S100A8: variants seen among roughly 807,000 people sequenced by gnomAD.
The protein encoded by S100A8 is protein S100-A8.
In S100A8, 1 loss-of-function variant was observed where a neutral mutation model predicts 4.2. The observed-to-expected ratio is 0.24, with a 90% confidence interval of 0.08 to 1.12. S100A8 has a LOEUF of 1.12. S100A8 is among the 50% of genes most tolerant of loss of function. S100A8 has a pLI of 0.53. For missense variants in S100A8, 96 were observed against 111.8 expected, an observed-to-expected ratio of 0.86 and a Z score of 0.64; for synonymous variants, 41 against 44.7, an observed-to-expected ratio of 0.92 and a Z score of 0.33.
chr1:153,390,242 T>A lies in S100A8; in HGVS notation c.143A>T (p.Lys48Ile). Residue 48 changes from lysine (K) to isoleucine (I), a missense_variant and splice_region_variant, in exon 3 of 3, where the codon AAA becomes ATA. Transcript: ENST00000368733. ...LETECPQYIR[K>I]KGADVWFKEL... ...TTTGAACCAGACGTCTGCACCCTTT[T>A]TCTGTCAAGATTGAGGAGGAAGAAG... is the stretch of plus-strand genomic sequence containing the variant. 7 of 1,609,704 alleles carry A rather than the reference T, an allele frequency of 4.3e-6. No individual in the cohort carries two copies. Among genetic ancestry groups the A allele is most frequent in the Non-Finnish European group, 5.1e-6 (6 of 1,177,338 alleles).
the S100A8 span, chr1:153,420,399 C>T: frequency 2.0e-5 from 3 of 152,214 alleles, no homozygotes; most frequent in Non-Finnish European, 4.4e-5. Context: ...CCTTGAGGCT[C>T]ACATCATGTG....
chr1:153,396,230 C>T, the S100A8 span, among the ~76,000 whole-genome samples: 2 of 147,876 alleles, frequency 1.4e-5, no homozygotes, highest in East Asian at 1.9e-4. Context: ...GTGTCTCCCC[C>T]TCAAAAAGGG....
At chr1:153,414,958 T>C in the S100A8 span, among the ~76,000 whole-genome samples, 3 of 152,182 alleles carry the variant, frequency 2.0e-5, no homozygotes, top group African/African-American at 7.2e-5. Flanking sequence ...GTGTCTATGA[T>C]TCTACTCTCT....
chr1:153,400,326 C>G, the S100A8 span, among the ~76,000 whole-genome samples: 4 of 152,248 alleles, frequency 2.6e-5, no homozygotes, highest in East Asian at 7.7e-4. Flanking sequence ...CTCGACATCC[C>G]TACAGATGCT....
chr1:153,402,068 A>C, the S100A8 span, among the ~76,000 whole-genome samples: 1 of 152,214 alleles, frequency 6.6e-6, no homozygotes, highest in Non-Finnish European at 1.5e-5. Flanking sequence ...AGAGAAAGAA[A>C]GGGTACATTA....
chr1:153,418,605 C>T, the S100A8 span, among the ~76,000 whole-genome samples: 21 of 152,190 alleles, frequency 1.4e-4, no homozygotes, highest in East Asian at 3.9e-4. Context: ...AGTTCCATTG[C>T]TAGTAGAAAT....
At chr1:153,414,099 T>C in the S100A8 span, among the ~76,000 whole-genome samples, 2 of 152,184 alleles carry the variant, frequency 1.3e-5, no homozygotes, top group African/African-American at 4.8e-5. Context: ...TAAACAGTGA[T>C]GATATGTAAC....
the S100A8 span, among the ~76,000 whole-genome samples, chr1:153,413,510 T>C: frequency 6.6e-6 from 1 of 152,236 alleles, no homozygotes; most frequent in Non-Finnish European, 1.5e-5. Flanking sequence ...GGGCAGACTC[T>C]GCCAGAAACT....
chr1:153,420,135 G>C, the S100A8 span: 1 of 152,256 alleles, frequency 6.6e-6, no homozygotes, highest in Non-Finnish European at 1.5e-5. Context: ...TGTAAGGACT[G>C]ACACAGAGAG....
chr1:153,400,513 A>G, the S100A8 span, among the ~76,000 whole-genome samples: 1 of 152,204 alleles, frequency 6.6e-6, no homozygotes, highest in Non-Finnish European at 1.5e-5. Context: ...AGGGCAGGTC[A>G]TCAAACCAGA....
At chr1:153,391,942 G>A (rs924949890), upstream of S100A8, among the ~76,000 whole-genome samples, 5 of 152,278 alleles carry the variant, frequency 3.3e-5, no homozygotes, top group African/African-American at 1.2e-4. Context: ...TCATGCCTAA[G>A]AGGAGAAGAG....
chr1:153,422,378 G>T, the S100A8 span: 1 of 360,526 alleles, frequency 2.8e-6, no homozygotes, highest in Non-Finnish European at 3.9e-6. Context: ...AGGTATTAGT[G>T]TCATATTGAT....
the S100A8 span, among the ~76,000 whole-genome samples, chr1:153,411,210 T>C: frequency 6.6e-6 from 1 of 152,228 alleles, no homozygotes; most frequent in Non-Finnish European, 1.5e-5. Flanking sequence ...GCAGATGACA[T>C]GATTGTATAT....
the S100A8 span, among the ~76,000 whole-genome samples, chr1:153,408,137 GAGA>G: frequency 6.6e-6 from 1 of 152,224 alleles, no homozygotes; most frequent in Admixed American, 6.5e-5. Context: ...GACGAGTTGA[GAGA>G]AGAAGGCTTC....
At chr1:153,403,837 C>T in the S100A8 span, among the ~76,000 whole-genome samples, 38 of 152,258 alleles carry the variant, frequency 2.5e-4, 1 homozygote, top group South Asian at 7.3e-3. Context: ...TGAACACCAT[C>T]GGGGTATCGT....
chr1:153,407,120 G>C, the S100A8 span, among the ~76,000 whole-genome samples: 2 of 152,166 alleles, frequency 1.3e-5, no homozygotes, highest in African/African-American at 4.8e-5. Flanking sequence ...CAGACAGTGG[G>C]AGCAATACAG....
chr1:153,405,154 G>C, the S100A8 span, among the ~76,000 whole-genome samples: 1 of 151,632 alleles, frequency 6.6e-6, no homozygotes, highest in East Asian at 1.9e-4. Flanking sequence ...TCTTAAAATT[G>C]GGCGAGATGA....
At chr1:153,408,720 C>A in the S100A8 span, among the ~76,000 whole-genome samples, 1 of 152,124 alleles carries the variant, frequency 6.6e-6, no homozygotes, top group African/African-American at 2.4e-5. Flanking sequence ...TTAAGGGCAG[C>A]CAGAGAGAAA....
chr1:153,420,517 T>C, the S100A8 span: 28,869 of 152,252 alleles, frequency 0.19, 4,511 homozygotes, highest in African/African-American at 0.43. Context: ...CTTTCCATCC[T>C]ACCAGCAGCA....
Sources: allele counts gnomAD v4.1 joint callset (sites outside exome capture counted in the v4.1 genomes callset), GRCh38; gene constraint gnomAD v4.1.1; transcripts MANE v1.5; gene names NCBI Gene and HGNC (gene_info 2026-07-23, HGNC 2026-07-21).